SRP54: variants seen among roughly 807,000 people sequenced by gnomAD.
SRP54 encodes signal recognition particle 54.
A neutral mutation model predicts 64.8 loss-of-function variants in SRP54; 10 were observed. That is an observed-to-expected ratio of 0.15 (90% CI 0.10 to 0.26). SRP54 has a LOEUF of 0.26. SRP54 is among the 10% of genes least tolerant of loss of function. SRP54 has a pLI of 1.00. For missense variants in SRP54, 325 were observed against 613.7 expected, an observed-to-expected ratio of 0.53 and a Z score of 4.97; for synonymous variants, 193 against 185.6, an observed-to-expected ratio of 1.04 and a Z score of -0.32.
chr14:34,985,719 A>G (rs567290112), intron 1 of SRP54, among the ~76,000 whole-genome samples: 1 of 152,320 alleles, frequency 6.6e-6, no homozygotes, highest in African/African-American at 2.4e-5. Flanking sequence ...CCCTTGCTGC[A>G]CATCAATATA....
intron 1 of SRP54, among the ~76,000 whole-genome samples, chr14:34,992,836 A>C (rs796759454): frequency 6.3e-4 from 95 of 150,990 alleles, no homozygotes; most frequent in African/African-American, 1.7e-3. Flanking sequence ...TTGCCCCCCC[A>C]AAAAGTTAAC....
At position 35,007,973 on chromosome 14, in the gene SRP54, A is replaced by G. The variant is rs1416571660; in HGVS notation, c.360+586A>G. On this transcript the variant is annotated intron_variant, in intron 5 of 15. Transcript: ENST00000216774. ...AACTATGCTATTTCTTTTATTAAAAAAAGACCATTCCTATCCTTTCAGGAA... is the reference window on the plus strand; with the variant it reads ...AACTATGCTATTTCTTTTATTAAAAGAAGACCATTCCTATCCTTTCAGGAA... Among the ~76,000 whole-genome samples the G allele has an allele frequency of 3.3e-5, 5 of 151,572 alleles. No individual in the cohort carries two copies. The East Asian group carries it at 9.6e-4, about 29-fold the overall frequency.
At chr14:34,984,908 C>CTT (rs34789836) in intron 1 of SRP54, among the ~76,000 whole-genome samples, 6 of 141,528 alleles carry the variant, frequency 4.2e-5, no homozygotes, top group Non-Finnish European at 9.2e-5. Context: ...CTTCACCTTC[C>CTT]TTTTTTTTTT....
intron 3 of SRP54, 32 bp downstream of exon 3, chr14:34,999,681 A>G: frequency 1.3e-6 from 2 of 1,507,560 alleles, no homozygotes; most frequent in Non-Finnish European, 1.8e-6. Context: ...AAACACAGGC[A>G]CAGTTTAGTT....
chr14:34,991,371 C>A (rs1469661527), intron 1 of SRP54, among the ~76,000 whole-genome samples: 1 of 151,712 alleles, frequency 6.6e-6, no homozygotes, highest in Non-Finnish European at 1.5e-5. Flanking sequence ...CTCAGGCAAT[C>A]CACTCACCTC....
At chr14:35,024,373 T>TA (rs2044585588) in intron 14 of SRP54, among the ~76,000 whole-genome samples, 1 of 152,200 alleles carries the variant, frequency 6.6e-6, no homozygotes, top group Non-Finnish European at 1.5e-5. Flanking sequence ...TATGTGTTTT[T>TA]ACATTATTAA....
chr14:35,002,018 T>C lies in SRP54; in HGVS notation c.255+998T>C, dbSNP rs1363440038. Among the ~76,000 whole-genome samples the C allele has an allele frequency of 6.6e-5, 10 of 150,598 alleles. No individual in the cohort carries two copies. The South Asian group carries it at 8.4e-4, about 13-fold the overall frequency. On this transcript the variant is annotated intron_variant, in intron 4 of 15. Coordinates refer to ENST00000216774, the MANE Select transcript of SRP54 (RefSeq NM_003136.4). ...GAGTTTGAGACCAACCAGGGCAACA[T>C]AGTGAGAACCAGTCTCTATAAAAAA...
chr14:35,001,175 C>CTTTTT (rs10637082), intron 4 of SRP54, among the ~76,000 whole-genome samples, 155 bp downstream of exon 4: 28 of 129,450 alleles, frequency 2.2e-4, no homozygotes, highest in African/African-American at 5.9e-4. Flanking sequence ...TCTTAGGGAC[C>CTTTTT]TTTTTTTTTT....
At chr14:34,997,649 A>T (rs576406415) in intron 2 of SRP54, among the ~76,000 whole-genome samples, 1 of 152,322 alleles carries the variant, frequency 6.6e-6, no homozygotes, top group African/African-American at 2.4e-5. Flanking sequence ...ATGGAATTTG[A>T]TCTCAATACT....
intron 4 of SRP54, among the ~76,000 whole-genome samples, chr14:35,001,500 C>T (rs1310976776): frequency 6.6e-6 from 1 of 152,072 alleles, no homozygotes; most frequent in Admixed American, 6.6e-5. Context: ...ATTCTGAGTG[C>T]AGATATGAAA....
At chr14:34,986,052 G>T (rs970097166) in intron 1 of SRP54, among the ~76,000 whole-genome samples, 1 of 151,552 alleles carries the variant, frequency 6.6e-6, no homozygotes, top group African/African-American at 2.4e-5. Flanking sequence ...TCTTTTTATG[G>T]TTGACCTCAT....
In SRP54 at chr14:35,029,370, TTA is replaced by T. The variant is rs1338451099; in HGVS notation, c.*222_*223del. On this transcript the variant is annotated 3_prime_UTR_variant, in exon 16 of 16. Coordinates refer to ENST00000216774, the MANE Select transcript of SRP54 (RefSeq NM_003136.4). ...AAATACATGGTTTTTGTGGAAATCA[TTA>T]TATGTTTGCTTTAGATTTTCTTCTG... 1.7e-5 allele frequency: 7 copies of T among 419,926 alleles called. No homozygotes were observed. The highest frequency in any genetic ancestry group is 6.2e-4 in the Middle Eastern group (1 of 1,604). The allele number at this position is 419,926 out of a possible 1,614,324, so 26.0% of individuals were successfully genotyped here.
At chr14:35,028,289 G>T in intron 15 of SRP54, 106 bp downstream of exon 15, 1 of 672,878 alleles carries the variant, frequency 1.5e-6, no homozygotes, top group Middle Eastern at 2.7e-4. Flanking sequence ...TTCAAAAGGT[G>T]TGTGATTTCA....
At chr14:35,024,669 T>C (rs1474804150) in intron 14 of SRP54, among the ~76,000 whole-genome samples, 1 of 151,948 alleles carries the variant, frequency 6.6e-6, no homozygotes, top group Non-Finnish European at 1.5e-5. Flanking sequence ...TTCCTTTTTT[T>C]TTTTTCTTTA....
At chr14:34,983,433 A>G (rs928387848) in intron 1 of SRP54, among the ~76,000 whole-genome samples, 7 of 152,150 alleles carry the variant, frequency 4.6e-5, no homozygotes, top group Non-Finnish European at 1.5e-5. Context: ...GATTTACCTG[A>G]GCCAAATAAG....
chr14:35,022,021 A>G (rs1478029582), intron 13 of SRP54, among the ~76,000 whole-genome samples: 2 of 152,208 alleles, frequency 1.3e-5, no homozygotes, highest in Non-Finnish European at 2.9e-5. Flanking sequence ...TTAAAATACT[A>G]GTAGTAGTAA....
chr14:35,018,004 C>A (rs76770287), intron 11 of SRP54, among the ~76,000 whole-genome samples: 25,990 of 152,046 alleles, frequency 0.17, 2,395 homozygotes, highest in East Asian at 0.31. Context: ...ACTCTGGAGA[C>A]TGAGGCAGGC....
intron 14 of SRP54, among the ~76,000 whole-genome samples, chr14:35,024,472 C>T (rs116314320): frequency 4.6e-5 from 7 of 152,208 alleles, no homozygotes; most frequent in African/African-American, 1.7e-4. Context: ...CATTTTTCCC[C>T]CTTATATCTT....
intron 13 of SRP54, among the ~76,000 whole-genome samples, chr14:35,021,682 A>G (rs1009449855): frequency 2.0e-5 from 3 of 152,140 alleles, no homozygotes; most frequent in Admixed American, 1.3e-4. Context: ...TAGCAAGGAG[A>G]CATATACATG....
Sources: allele counts gnomAD v4.1 joint callset (sites outside exome capture counted in the v4.1 genomes callset), GRCh38; gene constraint gnomAD v4.1.1; transcripts MANE v1.5; gene names NCBI Gene and HGNC (gene_info 2026-07-23, HGNC 2026-07-21).